DACH1: variants seen among roughly 807,000 people sequenced by gnomAD.
DACH1 encodes dachshund homolog 1.
A neutral mutation model predicts 54.2 loss-of-function variants in DACH1; 12 were observed. That is an observed-to-expected ratio of 0.22 (90% CI 0.14 to 0.36). The LOEUF (loss-of-function observed/expected upper bound fraction) is 0.36. Among genes scored for constraint, DACH1 ranks in the 10% least tolerant of loss-of-function variants. The pLI is 1.00. For missense variants in DACH1, 805 were observed against 929.8 expected, an observed-to-expected ratio of 0.87 and a Z score of 1.75; for synonymous variants, 386 against 366.2, an observed-to-expected ratio of 1.05 and a Z score of -0.62.
chr13:71,718,058 C>T (rs866438207), intron 1 of DACH1, among the ~76,000 whole-genome samples: 28 of 151,646 alleles, frequency 1.8e-4, no homozygotes, highest in Non-Finnish European at 4.0e-4. Context: ...CTAGAAGGCC[C>T]CAGAAAAGAA....
chr13:71,643,758 G>A (rs1376835734), intron 2 of DACH1, among the ~76,000 whole-genome samples: 1 of 151,886 alleles, frequency 6.6e-6, no homozygotes, highest in East Asian at 1.9e-4. Flanking sequence ...CAACTGTTAC[G>A]GACAATGAGA....
At chr13:71,464,497 TA>T (rs1876378319) in intron 10 of DACH1, 1 of 357,906 alleles carries the variant, frequency 2.8e-6, no homozygotes, top group Admixed American at 4.1e-5. Flanking sequence ...AGAAGTTCAT[TA>T]AAGAAGATAA....
chr13:71,627,869 G>T (rs1036810203), intron 3 of DACH1, among the ~76,000 whole-genome samples: 1 of 152,018 alleles, frequency 6.6e-6, no homozygotes, highest in Admixed American at 6.6e-5. Context: ...AAAAGCAGGT[G>T]GAAGCAGTTG....
intron 1 of DACH1, among the ~76,000 whole-genome samples, chr13:71,727,500 C>A (rs2078588): frequency 0.26 from 39,406 of 152,070 alleles, 12,670 homozygotes; most frequent in African/African-American, 0.76. Context: ...AGTGATTATT[C>A]TTTATTTGCT....
intron 2 of DACH1, among the ~76,000 whole-genome samples, chr13:71,635,325 C>T (rs1259890519): frequency 1.3e-5 from 2 of 152,220 alleles, no homozygotes; most frequent in East Asian, 3.8e-4. Flanking sequence ...ACCCACTCTG[C>T]ATTTATTGAA....
At chr13:71,644,730 T>C (rs1878149977) in intron 2 of DACH1, among the ~76,000 whole-genome samples, 1 of 152,124 alleles carries the variant, frequency 6.6e-6, no homozygotes, top group Non-Finnish European at 1.5e-5. Context: ...TCCAGGGACA[T>C]GTCCCCAGGA....
intron 6 of DACH1, among the ~76,000 whole-genome samples, chr13:71,527,640 A>T (rs1882088905): frequency 6.6e-6 from 1 of 152,224 alleles, no homozygotes; most frequent in Non-Finnish European, 1.5e-5. Context: ...AGTCTTTGCC[A>T]CTGGGCCCTC....
At chr13:71,486,426 T>C (rs1338486932) in intron 7 of DACH1, among the ~76,000 whole-genome samples, 2 of 152,288 alleles carry the variant, frequency 1.3e-5, no homozygotes, top group Non-Finnish European at 1.5e-5. Flanking sequence ...TTATACTGTA[T>C]ACCTAATAAT....
At chr13:71,613,595 G>A (rs1875506181) in intron 3 of DACH1, among the ~76,000 whole-genome samples, 1 of 152,150 alleles carries the variant, frequency 6.6e-6, no homozygotes, top group South Asian at 2.1e-4. Context: ...CACTGGCAAT[G>A]GATGCAGTGC....
chr13:71,474,578 T>A (rs1285376594), intron 10 of DACH1, among the ~76,000 whole-genome samples: 1 of 152,130 alleles, frequency 6.6e-6, no homozygotes, highest in Non-Finnish European at 1.5e-5. Context: ...TTAATACAAC[T>A]CCCTTTGGTA....
chr13:71,507,743 C>T (rs1333001687), intron 6 of DACH1, among the ~76,000 whole-genome samples: 1 of 152,152 alleles, frequency 6.6e-6, no homozygotes, highest in Non-Finnish European at 1.5e-5. Context: ...ATTCTTACAG[C>T]ATGGCTAAGG....
chr13:71,658,511 C>T (rs1180944069), intron 2 of DACH1, among the ~76,000 whole-genome samples: 2 of 152,144 alleles, frequency 1.3e-5, no homozygotes, highest in African/African-American at 4.8e-5. Flanking sequence ...GATCGTGCCA[C>T]TGCCCTCCAG....
intron 1 of DACH1, among the ~76,000 whole-genome samples, chr13:71,837,545 G>A (rs986868695): frequency 2.0e-5 from 3 of 152,060 alleles, no homozygotes; most frequent in African/African-American, 7.2e-5. Flanking sequence ...GGTAAACCCT[G>A]AAAATTAACA....
chr13:71,776,161 C>G (rs1447552678), intron 1 of DACH1, among the ~76,000 whole-genome samples: 1 of 152,098 alleles, frequency 6.6e-6, no homozygotes, highest in Non-Finnish European at 1.5e-5. Flanking sequence ...CTCAAAGTCA[C>G]TATTACACTA....
chr13:71,506,146 T>A (rs552882748), intron 6 of DACH1, among the ~76,000 whole-genome samples: 245 of 152,126 alleles, frequency 1.6e-3, no homozygotes, highest in Admixed American at 2.8e-3. Context: ...TCTTTTTTTT[T>A]TTATTATACT....
At chr13:71,752,947 A>T (rs550269680) in intron 1 of DACH1, among the ~76,000 whole-genome samples, 6 of 152,306 alleles carry the variant, frequency 3.9e-5, no homozygotes, top group Admixed American at 3.9e-4. Context: ...AGCCCAATAC[A>T]TCAGCATCAG....
At chr13:71,443,965 G>A (rs755973918) in intron 10 of DACH1, among the ~76,000 whole-genome samples, 8 of 152,052 alleles carry the variant, frequency 5.3e-5, no homozygotes, top group East Asian at 1.9e-4. Context: ...GATTTCTTCC[G>A]TTTGCTTAGC....
At chr13:71,610,113 T>C (rs1875205393) in intron 3 of DACH1, among the ~76,000 whole-genome samples, 1 of 152,146 alleles carries the variant, frequency 6.6e-6, no homozygotes, top group Non-Finnish European at 1.5e-5. Flanking sequence ...AAAATGTTCT[T>C]GTTTGCAGTG....
Position 71,479,399 on chromosome 13 carries a change from A to T in DACH1, c.1723-83T>A. The T allele has an allele frequency of 2.9e-6, 4 of 1,385,042 alleles. No individual in the cohort carries two copies. In the South Asian group the frequency reaches 5.3e-5, roughly 18 times the overall value. 85.8% of individuals were successfully genotyped at this position (1,385,042 alleles called of 1,614,324 possible). A position where few individuals can be genotyped will look rare whatever the true frequency, so the allele number is the denominator to read the frequency against. ...TTACTTAAAAGCATTTTCAAAGCAAAGAACCCAGTGATCAAATGACCTAAT... is the reference window on the plus strand; with the variant it reads ...TTACTTAAAAGCATTTTCAAAGCAATGAACCCAGTGATCAAATGACCTAAT... On this transcript the variant is annotated intron_variant, in intron 7 of 10. Transcript: ENST00000613252.
Sources: allele counts gnomAD v4.1 joint callset (sites outside exome capture counted in the v4.1 genomes callset), GRCh38; gene constraint gnomAD v4.1.1; transcripts MANE v1.5; gene names NCBI Gene and HGNC (gene_info 2026-07-23, HGNC 2026-07-21).